SVEP1: variants seen among roughly 807,000 people sequenced by gnomAD.
SVEP1 encodes sushi, von Willebrand factor type A, EGF and pentraxin domain containing 1.
SVEP1 carries 164 observed loss-of-function variants against 367.3 expected under a neutral mutation model. The observed-to-expected ratio is 0.45, with a 90% CI of 0.39 to 0.51. The LOEUF is 0.51. Ranked by LOEUF, SVEP1 falls within the 20% of genes least tolerant of loss-of-function variation. The pLI is 0.00. For synonymous variants in SVEP1, 1,666 were observed against 1,611.6 expected, an observed-to-expected ratio of 1.03 and a Z score of -0.81; for missense variants, 4,117 against 4,425.3, an observed-to-expected ratio of 0.93 and a Z score of 1.98.
chr9:110,487,665 T>C (rs778098680), intron 9 of SVEP1, among the ~76,000 whole-genome samples: 2 of 152,196 alleles, frequency 1.3e-5, no homozygotes, highest in East Asian at 1.9e-4. Flanking sequence ...ATATGAAAAA[T>C]AGACCTGAGA....
intron 16 of SVEP1, among the ~76,000 whole-genome samples, chr9:110,469,655 A>G (rs1422620335): frequency 6.6e-6 from 1 of 152,212 alleles, no homozygotes; most frequent in South Asian, 2.1e-4. Flanking sequence ...AATATCCTTA[A>G]TGGGGAAGAC....
intron 10 of SVEP1, 27 bp downstream of exon 10, chr9:110,483,559 C>A (rs1437711336): frequency 6.5e-7 from 1 of 1,543,822 alleles, no homozygotes; most frequent in East Asian, 2.3e-5. Flanking sequence ...TGCTACTATG[C>A]TGACAACAAA....
chr9:110,377,382 G>A lies in SVEP1; in HGVS notation c.10409-16C>T, dbSNP rs1174499285. On this transcript the variant is annotated splice_polypyrimidine_tract_variant and intron_variant, in intron 44 of 47. Coordinates refer to ENST00000374469, the MANE Select transcript of SVEP1 (RefSeq NM_153366.4). ...CGACAGACAGCTGGAAAAGAAGCAG[G>A]ATGGGTCACAAATGTAGGGAATTAT... The A allele has an allele frequency of 6.2e-7, 1 of 1,611,264 alleles. No homozygotes were observed. The highest frequency in any genetic ancestry group is 1.3e-5 in the African/African-American group (1 of 74,882).
chr9:110,542,729 T>A (rs1163900433), intron 3 of SVEP1, among the ~76,000 whole-genome samples: 1 of 151,256 alleles, frequency 6.6e-6, no homozygotes, highest in African/African-American at 2.4e-5. Context: ...GTGGAGAACA[T>A]CCTCAACATT....
rs75505218 is a variant in SVEP1 at position 110,502,574 on chromosome 9, T to C, written c.1483+464A>G. ...CTTCTTTCAATTTGCCTTGCAGTTG[T>C]TTTATTTTCCTAACTTTTCAGTTGA... On this transcript the variant is annotated intron_variant, in intron 6 of 47. Transcript: ENST00000374469. Among the ~76,000 whole-genome samples the C allele has an allele frequency of 9.3e-4, 142 of 152,350 alleles. 1 individual carries two copies. The East Asian group carries it at 0.026, about 28-fold the overall frequency.
chr9:110,432,571 A>G lies in SVEP1; in HGVS notation c.5124T>C (p.Ala1708=). The G allele has an allele frequency of 1.9e-6, 3 of 1,613,936 alleles. No homozygotes were observed. Among genetic ancestry groups the G allele is most frequent in the Non-Finnish European group, 2.5e-6 (3 of 1,179,820 alleles). ...TGCACTGGTAGGTTACTGTGCTGCC[A>G]GCATAGAAGTCATCGGCTGAATGGA... The part of the protein sequence containing the change: ...NGFHSADDFY[A]GSTVTYQCNN... The change falls in exon 31 of 48, where the codon GCT becomes GCC. Residue 1708 remains alanine (A), a synonymous_variant. Transcript: ENST00000374469.
At chr9:110,557,503 C>T (rs1588107878) in intron 1 of SVEP1, among the ~76,000 whole-genome samples, 1 of 149,552 alleles carries the variant, frequency 6.7e-6, no homozygotes, top group East Asian at 2.0e-4. Flanking sequence ...CTCCCTCCCT[C>T]TCTCTCTCTC....
At chr9:110,390,210 T>TATATATACAC (rs1827620135) in intron 40 of SVEP1, among the ~76,000 whole-genome samples, 1 of 80,626 alleles carries the variant, frequency 1.2e-5, no homozygotes, top group Non-Finnish European at 2.6e-5. Context: ...TATGTATGTA[T>TATATATACAC]ATACTTGTAT....
At chr9:110,434,666 T>TAAAAAAAAAAAAAAATAA (rs1554714777) in intron 29 of SVEP1, among the ~76,000 whole-genome samples, 160 bp from the exon 30 acceptor site, 3 of 40,620 alleles carry the variant, frequency 7.4e-5, no homozygotes, top group Non-Finnish European at 1.3e-4. Context: ...GCAAAATCAC[T>TAAAAAAAAAAAAAAATAA]AAAAAAAAAA....
chr9:110,471,557 T>C lies in SVEP1; in HGVS notation c.2805A>G (p.Glu935=), dbSNP rs192118727. The C allele has an allele frequency of 1.8e-3, 2,956 of 1,613,514 alleles. 4 individuals carry two copies. The highest frequency in any genetic ancestry group is 2.3e-3 in the Non-Finnish European group (2,729 of 1,179,704). The change falls in exon 16 of 48, where the codon GAA becomes GAG. Residue 935 remains glutamate, a synonymous_variant. Transcript: ENST00000374469. ...PLPDERNDTL[E]WENQQRLLQT... is the part of the protein sequence containing the mutation. ...GAAGGAGTCGTTGCTGATTTTCCCA[T>C]TCAAGGGTATCATTTCTTTCATCGG... is the stretch of plus-strand genomic sequence containing the variant.
chr9:110,459,095 T>C lies in SVEP1; in HGVS notation c.3341A>G (p.Lys1114Arg). The C allele has an allele frequency of 6.2e-7, 1 of 1,613,706 alleles. No homozygotes were observed. The highest frequency in any genetic ancestry group is 1.1e-5 in the South Asian group (1 of 91,068). The part of the protein sequence containing the change: ...SACGVPCPEG[K>R]FSRSGLMPCH... ...GGGCATTAACCCAGAACGCGAGAAT[T>C]TTCCTTCTGGACAAGGAACTGCAGA... is the stretch of plus-strand genomic sequence containing the variant. Residue 1114 changes from lysine (K) to arginine (R), a missense_variant, in exon 19 of 48, where the codon AAA becomes AGA. Transcript: ENST00000374469.
At chr9:110,544,710 A>T (rs1165726556) in intron 3 of SVEP1, among the ~76,000 whole-genome samples, 1 of 152,206 alleles carries the variant, frequency 6.6e-6, no homozygotes, top group African/African-American at 2.4e-5. Flanking sequence ...TATAATGTGT[A>T]ATGATCACAT....
At chr9:110,382,214 T>G (rs951521516) in intron 43 of SVEP1, among the ~76,000 whole-genome samples, 1 of 152,206 alleles carries the variant, frequency 6.6e-6, no homozygotes, top group Non-Finnish European at 1.5e-5. Flanking sequence ...TAGCGGCTGG[T>G]AACAATTCTT....
At chr9:110,473,862 T>C (rs555833563) in intron 14 of SVEP1, among the ~76,000 whole-genome samples, 27 of 152,350 alleles carry the variant, frequency 1.8e-4, no homozygotes, top group African/African-American at 6.5e-4. Context: ...TAAAATCCTT[T>C]AGATACATAT....
At chr9:110,563,624 CA>C (rs1830456030) in intron 1 of SVEP1, among the ~76,000 whole-genome samples, 1 of 152,074 alleles carries the variant, frequency 6.6e-6, no homozygotes, top group Non-Finnish European at 1.5e-5. Context: ...TTAGCTTAAA[CA>C]AAGATTTACT....
Position 110,408,024 on chromosome 9 carries a change from G to A in SVEP1, c.7576C>T (p.Arg2526Ter), listed in dbSNP as rs373804701. 12 of 1,613,968 alleles carry A rather than the reference G, an allele frequency of 7.4e-6. No individual in the cohort carries two copies. The highest frequency in any genetic ancestry group is 1.1e-5 in the South Asian group (1 of 91,078). Reference sequence around the variant, plus strand: ...CTGGGACCTTCGAGCCGAAAGCCTCGGTTGCAAGAGTAGGTAACGGTCTGT... The same window carrying A: ...CTGGGACCTTCGAGCCGAAAGCCTCAGTTGCAAGAGTAGGTAACGGTCTGT... ...YGQTVTYSCN[R>*]GFRLEGPSAL... Residue 2526 changes from arginine (R) to a stop codon, truncating the protein, a stop_gained, in exon 38 of 48, where the codon CGA (arginine) becomes TGA (stop). Coordinates refer to ENST00000374469, the MANE Select transcript of SVEP1 (RefSeq NM_153366.4). LOFTEE classifies it high-confidence loss of function.
Position 110,411,507 on chromosome 9 carries a change from T to C in SVEP1, c.6204A>G (p.Val2068=). The change falls in exon 37 of 48, where the codon GTA becomes GTG. Residue 2068 remains valine (V), a synonymous_variant. Transcript: ENST00000374469. ...GGGGCATGTCTTGACCTTCTGGGGG[T>C]ACCCACTTGCCCTGGGCATTGCAGA... ...QLLCNAQGKW[V]PPEGQDMPRC... 2 of 1,613,972 alleles carry C rather than the reference T, an allele frequency of 1.2e-6. No homozygotes were observed. The highest frequency in any genetic ancestry group is 1.7e-6 in the Non-Finnish European group (2 of 1,179,884).
chr9:110,448,514 C>T (rs1159307587), intron 24 of SVEP1, among the ~76,000 whole-genome samples: 1 of 152,184 alleles, frequency 6.6e-6, no homozygotes, highest in Non-Finnish European at 1.5e-5. Context: ...TGGGTCTCTG[C>T]ATTTGACGGT....
At chr9:110,376,495 T>G (rs1322970833) in intron 45 of SVEP1, among the ~76,000 whole-genome samples, 1 of 152,214 alleles carries the variant, frequency 6.6e-6, no homozygotes. Context: ...TTTATTTCCA[T>G]CATACATTTT....
Sources: allele counts gnomAD v4.1 joint callset (sites outside exome capture counted in the v4.1 genomes callset), GRCh38; gene constraint gnomAD v4.1.1; transcripts MANE v1.5; gene names NCBI Gene and HGNC (gene_info 2026-07-23, HGNC 2026-07-21).